Variants in IRAG2 observed in about 807,000 individuals in gnomAD.
The protein encoded by IRAG2 is lymphoid restricted membrane protein.
In IRAG2, 45 loss-of-function variants were observed where a neutral mutation model predicts 69.9. The observed-to-expected ratio is 0.64, with a 90% CI of 0.51 to 0.83. The LOEUF (loss-of-function observed/expected upper bound fraction) is 0.83, where lower values mean the gene tolerates loss of function less well. Ranked by LOEUF, IRAG2 falls within the 40% of genes least tolerant of loss-of-function variation. IRAG2 has a pLI of 0.00. For missense variants in IRAG2, 520 were observed against 587.0 expected (o/e 0.89, Z 1.18); for synonymous variants, 193 against 202.4 (o/e 0.95, Z 0.40).
At chr12:25,065,712 C>T (rs1307977017) in intron 4 of IRAG2, among the ~76,000 whole-genome samples, 1 of 152,236 alleles carries the variant, frequency 6.6e-6, no homozygotes, top group Non-Finnish European at 1.5e-5. Context: ...GACAGGGTCT[C>T]ACTTTGTCAT....
intron 16 of IRAG2, among the ~76,000 whole-genome samples, chr12:25,041,936 A>T (rs928526837): frequency 3.3e-5 from 5 of 149,698 alleles, no homozygotes; most frequent in African/African-American, 1.2e-4. Context: ...AGCAGTGCTG[A>T]ATTGAATTTT....
intron 5 of IRAG2, among the ~76,000 whole-genome samples, chr12:25,016,415 A>G (rs1944529126): frequency 1.3e-5 from 2 of 152,178 alleles, no homozygotes; most frequent in Admixed American, 1.3e-4. Context: ...TTCAGACTAC[A>G]ATGATAAGAC....
chr12:25,051,898 C>A (rs1944882503), upstream of IRAG2, among the ~76,000 whole-genome samples: 1 of 152,138 alleles, frequency 6.6e-6, no homozygotes, highest in African/African-American at 2.4e-5. Flanking sequence ...TCACCCTGAC[C>A]TCATTGTAGA....
chr12:25,102,574 C>T (rs10842468), intron 17 of IRAG2: 52,640 of 271,106 alleles, frequency 0.19, 5,248 homozygotes, highest in Middle Eastern at 0.25. Context: ...CTACCCTCAG[C>T]CCTTGGCTTC....
At chr12:25,053,015 G>T in intron 1 of IRAG2, 59 bp downstream of exon 1, 3 of 398,044 alleles carry the variant, frequency 7.5e-6, no homozygotes, top group Non-Finnish European at 1.3e-5. Flanking sequence ...CGGGGCATAG[G>T]ACTACAGACA....
In IRAG2 at chr12:25,022,868, G is replaced by A. The variant is rs138600202; in HGVS notation, c.1333-1003G>A. On this transcript the variant is annotated intron_variant, in intron 7 of 38. Transcript: ENST00000636465. The stretch of plus-strand genomic sequence containing the variant: ...CCACCGGGCGTGGTGGCTCACGCCT[G>A]TAATCCCAGTACTTTGGGAGGCTGA... Among the ~76,000 whole-genome samples the A allele has an allele frequency of 7.0e-4, 106 of 152,340 alleles. No homozygotes were observed. In the East Asian group the frequency reaches 0.02, roughly 29 times the overall value.
chr12:25,060,668 CTTTTTTTTT>C (rs753591747), intron 1 of IRAG2, among the ~76,000 whole-genome samples: 1 of 99,288 alleles, frequency 1.0e-5, no homozygotes, highest in Non-Finnish European at 1.9e-5. Context: ...AATGTATTTT[CTTTTTTTTT>C]TTTTTTTTTT....
At chr12:25,052,590 A>C, upstream of IRAG2, 1 of 397,418 alleles carries the variant, frequency 2.5e-6, no homozygotes, top group East Asian at 3.6e-5. Context: ...GCAACTTGAC[A>C]TATCAGGACT....
chr12:25,033,497 T>C (rs984519102), intron 12 of IRAG2, among the ~76,000 whole-genome samples: 2 of 152,224 alleles, frequency 1.3e-5, no homozygotes, highest in Non-Finnish European at 2.9e-5. Flanking sequence ...TCTGTTTAGC[T>C]CCAACTAATT....
rs759071400 is a variant in IRAG2, at chr12:25,103,918, G to A, written c.996+19G>A. 1 of 1,608,704 alleles carries A rather than the reference G, an allele frequency of 6.2e-7. No individual in the cohort carries two copies. The highest frequency in any genetic ancestry group is 1.1e-5 in the South Asian group (1 of 90,898). On this transcript the variant is annotated intron_variant, in intron 18 of 21. Transcript: ENST00000556887. ...AGGAATGGTAAGACAATTCCTAAGTGTTCTTAGTCAAAGGTAAATTCATTT... is the reference window on the plus strand; with the variant it reads ...AGGAATGGTAAGACAATTCCTAAGTATTCTTAGTCAAAGGTAAATTCATTT...
intron 10 of IRAG2, chr12:25,030,396 CT>C (rs139837846): frequency 0.012 from 11,441 of 967,416 alleles, no homozygotes; most frequent in Middle Eastern, 0.015. Flanking sequence ...AAATCTGATT[CT>C]TTTTTTTTTG....
At chr12:25,068,284 T>C (rs1265888984) in intron 5 of IRAG2, among the ~76,000 whole-genome samples, 1 of 152,202 alleles carries the variant, frequency 6.6e-6, no homozygotes, top group East Asian at 1.9e-4. Flanking sequence ...AAGTCTATTT[T>C]AAAGGATACA....
intron 7 of IRAG2, among the ~76,000 whole-genome samples, chr12:25,022,880 C>G (rs1038867648): frequency 2.0e-5 from 3 of 152,152 alleles, no homozygotes; most frequent in South Asian, 2.1e-4. Context: ...AATCCCAGTA[C>G]TTTGGGAGGC....
In IRAG2 at chr12:25,072,130, G is replaced by A. The variant is rs565528752; in HGVS notation, c.24+2699G>A. 6.6e-5 allele frequency among the ~76,000 whole-genome samples: 10 copies of A among 152,184 alleles called. No homozygotes were observed. The East Asian group carries it at 1.5e-3, about 23-fold the overall frequency. On this transcript the variant is annotated intron_variant, in intron 6 of 21. Coordinates refer to ENST00000556887, the MANE Select transcript of IRAG2 (RefSeq NM_001366544.2). ...TGAGGCAGGAGAATCACTTGAATCC[G>A]GAAGGAGGAGGTTGAGTGAGCCGAG...
chr12:25,054,799 A>G (rs1350687352), intron 1 of IRAG2, among the ~76,000 whole-genome samples: 1 of 152,190 alleles, frequency 6.6e-6, no homozygotes, highest in Non-Finnish European at 1.5e-5. Flanking sequence ...TCTTTCTAAC[A>G]ATGCCCTTTA....
intron 4 of IRAG2, among the ~76,000 whole-genome samples, chr12:25,064,626 A>G (rs1359843043): frequency 6.6e-6 from 1 of 152,252 alleles, no homozygotes; most frequent in Non-Finnish European, 1.5e-5. Flanking sequence ...TTTAAGAAGG[A>G]ATAAAGAGAA....
rs78616500 is a variant in IRAG2 at position 25,077,161 on chromosome 12, G to A, written c.25-2083G>A. 2.3e-4 allele frequency among the ~76,000 whole-genome samples: 25 copies of A among 110,838 alleles called. No individual in the cohort carries two copies. The East Asian group carries it at 6.7e-3, about 30-fold the overall frequency. The allele number at this position is 110,838 out of a possible 152,430, so 72.7% of individuals were successfully genotyped here. A position where few individuals can be genotyped will look rare whatever the true frequency, so the allele number is the denominator to read the frequency against. The stretch of plus-strand genomic sequence containing the variant: ...TGAGATTGCAGGCGTGTGCCACCGT[G>A]CCTTGTTCATTTCATATATATATGA... On this transcript the variant is annotated intron_variant, in intron 6 of 21. Coordinates refer to ENST00000556887, the MANE Select transcript of IRAG2 (RefSeq NM_001366544.2).
chr12:25,052,456 A>AT, upstream of IRAG2: 1 of 397,062 alleles, frequency 2.5e-6, no homozygotes. Flanking sequence ...CAAAAAAAAA[A>AT]AGCAAAGAGG....
At chr12:25,066,665 C>CTTTTT (rs781555051) in intron 5 of IRAG2, among the ~76,000 whole-genome samples, 153 bp downstream of exon 5, 2 of 142,084 alleles carry the variant, frequency 1.4e-5, no homozygotes, top group Admixed American at 7.1e-5. Context: ...TTCTTTCTTT[C>CTTTTT]TTTTTTTTTT....
Sources: gnomAD v4.1 joint callset for allele counts (sites outside exome capture counted in the v4.1 genomes callset) on GRCh38, gnomAD v4.1.1 for gene constraint, MANE v1.5 for transcripts, NCBI Gene and HGNC (gene_info 2026-07-23, HGNC 2026-07-21) for gene names.